CLCN3: variants seen among roughly 807,000 people sequenced by gnomAD.
The protein encoded by CLCN3 is H(+)/Cl(-) exchange transporter 3.
CLCN3 carries 16 observed loss-of-function variants against 83.4 expected under a neutral mutation model. The observed-to-expected ratio is 0.19, with a 90% CI of 0.13 to 0.29. The LOEUF (loss-of-function observed/expected upper bound fraction) is 0.29. CLCN3 is among the 10% of genes least tolerant of loss of function. CLCN3 has a pLI of 1.00. For synonymous variants in CLCN3, 322 were observed against 346.2 expected (o/e 0.93, Z 0.78); for missense variants, 544 against 1,006.0 (o/e 0.54, Z 6.21).
chr4:169,715,733 G>A (rs959314390), intron 12 of CLCN3, among the ~76,000 whole-genome samples: 1 of 152,006 alleles, frequency 6.6e-6, no homozygotes, highest in Admixed American at 6.6e-5. Flanking sequence ...TTAGCTATTG[G>A]TTTTCTGCAC....
chr4:169,658,295 C>G (rs202192309), intron 2 of CLCN3, among the ~76,000 whole-genome samples: 1 of 151,612 alleles, frequency 6.6e-6, no homozygotes, highest in Non-Finnish European at 1.5e-5. Flanking sequence ...AATATGGCTA[C>G]AAAACTTTTA....
At chr4:169,689,915 T>C (rs561761213) in intron 5 of CLCN3, among the ~76,000 whole-genome samples, 2 of 152,270 alleles carry the variant, frequency 1.3e-5, no homozygotes, top group South Asian at 4.1e-4. Context: ...GTTTCCACTG[T>C]TTCCAAAAAG....
chr4:169,694,073 AAT>A (rs1193753555), intron 7 of CLCN3, among the ~76,000 whole-genome samples: 1 of 152,226 alleles, frequency 6.6e-6, no homozygotes, highest in African/African-American at 2.4e-5. Context: ...CATTCAAATA[AAT>A]ATGTTTGCTT....
intron 4 of CLCN3, among the ~76,000 whole-genome samples, chr4:169,688,729 A>G (rs1732254869): frequency 6.6e-6 from 1 of 152,202 alleles, no homozygotes; most frequent in East Asian, 1.9e-4. Context: ...TCGATTGAAA[A>G]TTAGATTTGT....
chr4:169,660,023 A>G (rs1730998178), intron 2 of CLCN3: 1 of 993,104 alleles, frequency 1.0e-6, no homozygotes, highest in Non-Finnish European at 1.2e-6. Flanking sequence ...CACTGATGCT[A>G]CCGAAGCTGT....
At chr4:169,633,204 G>T (rs978600045) in intron 1 of CLCN3, among the ~76,000 whole-genome samples, 1 of 152,096 alleles carries the variant, frequency 6.6e-6, no homozygotes, top group Non-Finnish European at 1.5e-5. Context: ...TAGAGATGGG[G>T]TTCACCACCA....
chr4:169,627,504 C>A (rs929038703), intron 1 of CLCN3, among the ~76,000 whole-genome samples: 1 of 152,042 alleles, frequency 6.6e-6, no homozygotes, highest in Non-Finnish European at 1.5e-5. Flanking sequence ...GGAACAGAAA[C>A]CATATCTTAT....
chr4:169,691,185 G>GTT (rs1027346190), intron 6 of CLCN3, among the ~76,000 whole-genome samples: 16 of 143,060 alleles, frequency 1.1e-4, no homozygotes, highest in Admixed American at 9.9e-4. Flanking sequence ...TTTTTTGTTT[G>GTT]TTTTTTTTTT....
intron 3 of CLCN3, among the ~76,000 whole-genome samples, chr4:169,685,681 A>G (rs11733111): frequency 0.092 from 13,979 of 152,202 alleles, 675 homozygotes; most frequent in African/African-American, 0.12. Flanking sequence ...TTTACTTGGT[A>G]CACTCCATCA....
chr4:169,660,884 C>A (rs925229704), intron 2 of CLCN3, among the ~76,000 whole-genome samples: 2 of 152,122 alleles, frequency 1.3e-5, no homozygotes, highest in Non-Finnish European at 2.9e-5. Context: ...GTAGATTTTA[C>A]ACCACAAAGT....
chr4:169,671,931 T>C (rs1306376371), intron 2 of CLCN3, among the ~76,000 whole-genome samples: 2 of 152,082 alleles, frequency 1.3e-5, no homozygotes, highest in East Asian at 3.9e-4. Context: ...AAAATCTAAC[T>C]GTGAGCACAG....
intron 2 of CLCN3, among the ~76,000 whole-genome samples, chr4:169,664,871 G>T (rs1224484203): frequency 2.0e-5 from 3 of 152,154 alleles, no homozygotes; most frequent in Non-Finnish European, 4.4e-5. Flanking sequence ...TGTAATTTTG[G>T]CTATTTTCCC....
At chr4:169,621,855 T>A (rs1773120357) in intron 1 of CLCN3, among the ~76,000 whole-genome samples, 1 of 152,202 alleles carries the variant, frequency 6.6e-6, no homozygotes. Flanking sequence ...TGTGAGTCAC[T>A]ACAAAATAAT....
intron 8 of CLCN3, among the ~76,000 whole-genome samples, chr4:169,696,407 T>G (rs1732565213): frequency 6.6e-6 from 1 of 152,144 alleles, no homozygotes; most frequent in African/African-American, 2.4e-5. Flanking sequence ...ACCAGGAATT[T>G]TTTTTTAATT....
intron 9 of CLCN3, 25 bp downstream of exon 9, chr4:169,697,759 TTG>T (rs1240964669): frequency 2.0e-6 from 3 of 1,506,134 alleles, no homozygotes; most frequent in African/African-American, 2.8e-5. Context: ...GAGGTGATAT[TTG>T]GGTAATTTTG....
chr4:169,658,859 T>C (rs553405516), intron 2 of CLCN3, among the ~76,000 whole-genome samples: 1 of 152,228 alleles, frequency 6.6e-6, no homozygotes, highest in South Asian at 2.1e-4. Context: ...GGTGAGATTT[T>C]ATAAGAAGCT....
chr4:169,667,063 A>G (rs1215949487), intron 2 of CLCN3, among the ~76,000 whole-genome samples: 1 of 152,084 alleles, frequency 6.6e-6, no homozygotes, highest in Non-Finnish European at 1.5e-5. Flanking sequence ...TTTTGCATTG[A>G]TGTCATATCT....
intron 10 of CLCN3, among the ~76,000 whole-genome samples, chr4:169,704,917 C>G (rs543894259): frequency 6.6e-6 from 1 of 152,282 alleles, no homozygotes; most frequent in South Asian, 2.1e-4. Context: ...AGGACAGACT[C>G]ATTTTCACCA....
In CLCN3 at chr4:169,687,889, C is replaced by T; in HGVS notation, c.418+132C>T. 3.7e-6 allele frequency: 2 copies of T among 533,724 alleles called. 1 individual carries two copies. The highest frequency in any genetic ancestry group is 5.7e-5 in the South Asian group (2 of 34,820). The allele number at this position is 533,724 out of a possible 1,614,324, so 33.1% of individuals were successfully genotyped here. A position where few individuals can be genotyped will look rare whatever the true frequency, so the allele number is the denominator to read the frequency against. ...TTTGTTTCTCTTCTTCAAAAAATCTCCTTAAATATAAGACTAGGAGGCAGA... is the reference window on the plus strand; with the variant it reads ...TTTGTTTCTCTTCTTCAAAAAATCTTCTTAAATATAAGACTAGGAGGCAGA... On this transcript the variant is annotated intron_variant, in intron 4 of 12. Coordinates refer to ENST00000513761, the MANE Select transcript of CLCN3 (RefSeq NM_001829.4).
Sources: allele counts gnomAD v4.1 joint callset (sites outside exome capture counted in the v4.1 genomes callset), GRCh38; gene constraint gnomAD v4.1.1; transcripts MANE v1.5; gene names NCBI Gene and HGNC (gene_info 2026-07-23, HGNC 2026-07-21).